Variants in RBMS1 observed in about 807,000 individuals in gnomAD.
The protein encoded by RBMS1 is RNA-binding motif, single-stranded-interacting protein 1.
Under a neutral mutation model 62.3 loss-of-function variants are expected in RBMS1, and 17 were observed. The observed-to-expected ratio is 0.27, with a 90% CI of 0.19 to 0.41. The LOEUF is 0.41. Among genes scored for constraint, RBMS1 ranks in the 10% least tolerant of loss-of-function variants. The probability of loss-of-function intolerance (pLI) is 1.00; values close to 1 mark genes in which losing one functional copy is unlikely to be tolerated. For missense variants in RBMS1, 334 were observed against 504.5 expected (o/e 0.66, Z 3.24); for synonymous variants, 172 against 170.0 (o/e 1.01, Z -0.09).
intron 1 of RBMS1, among the ~76,000 whole-genome samples, chr2:160,375,074 G>A (rs1693926353): frequency 6.6e-6 from 1 of 151,962 alleles, no homozygotes; most frequent in South Asian, 2.1e-4. Context: ...TAGCCTGGAT[G>A]ATTTCTAAGC....
intron 2 of RBMS1, among the ~76,000 whole-genome samples, chr2:160,350,424 T>C (rs1475584259): frequency 6.6e-6 from 1 of 152,066 alleles, no homozygotes; most frequent in Non-Finnish European, 1.5e-5. Context: ...ATTACATCTG[T>C]GTAATAACAA....
At chr2:160,355,576 G>C (rs1451150025) in intron 2 of RBMS1, among the ~76,000 whole-genome samples, 1 of 151,966 alleles carries the variant, frequency 6.6e-6, no homozygotes, top group Non-Finnish European at 1.5e-5. Context: ...AAACCTTGGG[G>C]CAGCATGTAT....
At chr2:160,304,253 A>C (rs553415463) in intron 4 of RBMS1, among the ~76,000 whole-genome samples, 2 of 152,274 alleles carry the variant, frequency 1.3e-5, no homozygotes, top group East Asian at 3.9e-4. Context: ...TTTCCTACTT[A>C]AGCAGTGCTA....
At chr2:160,435,403 G>T (rs1379740290) in intron 1 of RBMS1, among the ~76,000 whole-genome samples, 2 of 152,204 alleles carry the variant, frequency 1.3e-5, no homozygotes, top group African/African-American at 4.8e-5. Context: ...TTAAAAGAAA[G>T]GCTTGAAGTT....
intron 2 of RBMS1, among the ~76,000 whole-genome samples, chr2:160,325,601 T>C (rs1198742946): frequency 2.0e-5 from 3 of 152,170 alleles, no homozygotes; most frequent in Non-Finnish European, 2.9e-5. Context: ...ACAAAGGGGA[T>C]TTCCTAAAAC....
intron 2 of RBMS1, among the ~76,000 whole-genome samples, chr2:160,364,530 C>A (rs1473813886): frequency 6.6e-6 from 1 of 152,192 alleles, no homozygotes; most frequent in Non-Finnish European, 1.5e-5. Flanking sequence ...GTGATCTACA[C>A]TTTCCAGGGT....
chr2:160,294,579 T>C (rs1412863114), intron 6 of RBMS1, among the ~76,000 whole-genome samples: 2 of 152,194 alleles, frequency 1.3e-5, no homozygotes, highest in Non-Finnish European at 2.9e-5. Context: ...AGTTCATTGT[T>C]CAGTTTGTTC....
intron 9 of RBMS1, chr2:160,282,197 A>C: frequency 7.6e-7 from 1 of 1,322,908 alleles, no homozygotes; most frequent in South Asian, 1.1e-5. Flanking sequence ...TGTTAACTTC[A>C]GAGGTTCAAC....
At chr2:160,471,952 C>T (rs1684941072) in intron 1 of RBMS1, among the ~76,000 whole-genome samples, 1 of 151,700 alleles carries the variant, frequency 6.6e-6, no homozygotes, top group Non-Finnish European at 1.5e-5. Context: ...ATTCAAGTAT[C>T]CTGCTGTAAA....
At chr2:160,279,782 T>C (rs1688012743) in intron 10 of RBMS1, 1 of 152,124 alleles carries the variant, frequency 6.6e-6, no homozygotes, top group African/African-American at 2.4e-5. Flanking sequence ...CAGAGTTAGG[T>C]GTACAGGAAC....
At chr2:160,330,306 G>A (rs564028869) in intron 2 of RBMS1, among the ~76,000 whole-genome samples, 1 of 152,298 alleles carries the variant, frequency 6.6e-6, no homozygotes, top group African/African-American at 2.4e-5. Context: ...CACGAAGGGA[G>A]GCATCTGGGG....
Position 160,291,965 on chromosome 2 carries a change from T to C in RBMS1, c.641-4881A>G, listed in dbSNP as rs570003925. 2.6e-5 allele frequency among the ~76,000 whole-genome samples: 4 copies of C among 152,234 alleles called. No individual in the cohort carries two copies. In the South Asian group the frequency reaches 6.2e-4, roughly 24 times the overall value. The stretch of plus-strand genomic sequence containing the variant: ...TATGTAGAGCCATTTATTTTTCACA[T>C]TTGCAATGATAGGTCCTTTTCTTCT... On this transcript the variant is annotated intron_variant, in intron 6 of 13. Coordinates refer to ENST00000348849, the MANE Select transcript of RBMS1 (RefSeq NM_016836.4).
Position 160,367,409 on chromosome 2 carries a change from G to A in RBMS1, c.76-18C>T, listed in dbSNP as rs754698267. ...AGAGACTGCTGGAAAACAAAGATCA[G>A]GAGCCTTAGTATGCTAGCATTAGGA... On this transcript the variant is annotated intron_variant, in intron 1 of 13. Coordinates refer to ENST00000348849, the MANE Select transcript of RBMS1 (RefSeq NM_016836.4). 1.2e-6 allele frequency: 2 copies of A among 1,613,724 alleles called. No homozygotes were observed. The highest frequency in any genetic ancestry group is 4.5e-5 in the East Asian group (2 of 44,880).
chr2:160,467,470 G>A (rs188204512), intron 1 of RBMS1, among the ~76,000 whole-genome samples: 29 of 152,258 alleles, frequency 1.9e-4, no homozygotes, highest in East Asian at 5.8e-4. Flanking sequence ...TTTCCCAAAC[G>A]TCAGAGAGGT....
At chr2:160,386,721 G>A (rs1280384631) in intron 1 of RBMS1, among the ~76,000 whole-genome samples, 2 of 151,952 alleles carry the variant, frequency 1.3e-5, no homozygotes, top group Admixed American at 6.6e-5. Flanking sequence ...ACCAGAACCC[G>A]ATCATGTTGG....
At chr2:160,326,489 G>GCAAAC (rs1385244760) in intron 2 of RBMS1, among the ~76,000 whole-genome samples, 1 of 152,160 alleles carries the variant, frequency 6.6e-6, no homozygotes, top group Admixed American at 6.5e-5. Context: ...AGAATCTAAT[G>GCAAAC]CAAACCTATG....
intron 4 of RBMS1, among the ~76,000 whole-genome samples, chr2:160,310,512 T>C: frequency 6.6e-6 from 1 of 152,132 alleles, no homozygotes; most frequent in East Asian, 1.9e-4. Flanking sequence ...CTATGAAAAA[T>C]TGAGGCATTC....
intron 13 of RBMS1, chr2:160,275,410 C>T: frequency 2.7e-6 from 2 of 744,306 alleles, no homozygotes; most frequent in Non-Finnish European, 1.8e-6. Flanking sequence ...GGAGAGTATA[C>T]ATTTGGCTTC....
intron 4 of RBMS1, among the ~76,000 whole-genome samples, chr2:160,311,244 A>ATATCTATATATATC (rs1689888980): frequency 1.1e-5 from 1 of 88,892 alleles, no homozygotes; most frequent in African/African-American, 3.6e-5. Context: ...ATATATATAT[A>ATATCTATATATATC]TATATATATA....
Sources: allele counts gnomAD v4.1 joint callset (sites outside exome capture counted in the v4.1 genomes callset), GRCh38; gene constraint gnomAD v4.1.1; transcripts MANE v1.5; gene names NCBI Gene and HGNC (gene_info 2026-07-23, HGNC 2026-07-21).